RMDN2: variants seen among roughly 807,000 people sequenced by gnomAD.
RMDN2 encodes the protein regulator of microtubule dynamics protein 2.
Under a neutral mutation model 52.8 loss-of-function variants are expected in RMDN2, and 61 were observed. The ratio of observed to expected loss-of-function variants is 1.16; its 90% CI spans 0.94 to 1.43. The LOEUF (loss-of-function observed/expected upper bound fraction) is 1.43. Ranked by LOEUF, RMDN2 falls within the 40% of genes most tolerant of loss-of-function variation. The pLI is 0.00. For missense variants in RMDN2, 592 were observed against 475.3 expected (o/e 1.25, Z -2.28); for synonymous variants, 180 against 153.1 (o/e 1.18, Z -1.30).
At chr2:37,942,962 C>T (rs1483004108) in intron 2 of RMDN2, among the ~76,000 whole-genome samples, 1 of 152,180 alleles carries the variant, frequency 6.6e-6, no homozygotes, top group Non-Finnish European at 1.5e-5. Flanking sequence ...CAATAAGTGC[C>T]AAGCACCTTT....
At chr2:38,028,417 A>G (rs1180112109) in intron 10 of RMDN2, among the ~76,000 whole-genome samples, 1 of 152,178 alleles carries the variant, frequency 6.6e-6, no homozygotes, top group African/African-American at 2.4e-5. Context: ...ATTAATTTTA[A>G]TGTTATTTTC....
chr2:37,926,539 G>A (rs1477746476), intron 1 of RMDN2, among the ~76,000 whole-genome samples: 1 of 152,052 alleles, frequency 6.6e-6, no homozygotes. Context: ...ATAATACTTT[G>A]TATCTGATTA....
Position 37,930,697 on chromosome 2 carries a change from A to G in RMDN2, c.452+968A>G, listed in dbSNP as rs540899270. On this transcript the variant is annotated intron_variant, in intron 2 of 10. Transcript: ENST00000354545. Reference sequence around the variant, plus strand: ...GAGTGGGTGAGCAGAGAGGCCCCCAACCCTGGATGGAACCCACATTCCCCA... The same window carrying G: ...GAGTGGGTGAGCAGAGAGGCCCCCAGCCCTGGATGGAACCCACATTCCCCA... 1.2e-3 allele frequency among the ~76,000 whole-genome samples: 180 copies of G among 152,268 alleles called. 1 individual carries two copies. Among genetic ancestry groups the G allele is most frequent in the African/African-American group, 4.2e-3 (174 of 41,558 alleles).
intron 10 of RMDN2, among the ~76,000 whole-genome samples, chr2:38,056,059 C>T (rs1342553832): frequency 6.6e-6 from 1 of 152,196 alleles, no homozygotes; most frequent in African/African-American, 2.4e-5. Flanking sequence ...CCCACCTCAC[C>T]TGGATCATTG....
At chr2:38,004,896 C>G (rs540777586) in intron 10 of RMDN2, among the ~76,000 whole-genome samples, 1 of 151,702 alleles carries the variant, frequency 6.6e-6, no homozygotes, top group African/African-American at 2.4e-5. Context: ...CCCGTTCCTG[C>G]GTCCATGTGT....
At chr2:37,934,152 A>G (rs571795513) in intron 2 of RMDN2, among the ~76,000 whole-genome samples, 2 of 152,236 alleles carry the variant, frequency 1.3e-5, no homozygotes, top group Non-Finnish European at 2.9e-5. Flanking sequence ...CAAAAAATGG[A>G]TATCAGCCAC....
At chr2:37,929,063 A>G (rs769009514) in intron 1 of RMDN2, 199 bp from the exon 2 acceptor site, 12 of 431,778 alleles carry the variant, frequency 2.8e-5, no homozygotes, top group Non-Finnish European at 4.5e-5. Flanking sequence ...TTAACTTAAT[A>G]TGATAATTCT....
chr2:38,021,802 G>A (rs138363131), downstream of RMDN2, among the ~76,000 whole-genome samples: 1,063 of 152,300 alleles, frequency 7.0e-3, 8 homozygotes, highest in African/African-American at 0.024. Flanking sequence ...GGGAGCAGCT[G>A]TAAATACAGA....
chr2:37,997,443 A>C lies in RMDN2; in HGVS notation c.973A>C (p.Lys325Gln). 1 of 1,613,886 alleles carries C rather than the reference A, an allele frequency of 6.2e-7. No homozygotes were observed. Among genetic ancestry groups the C allele is most frequent in the Non-Finnish European group, 8.5e-7 (1 of 1,179,818 alleles). ...CTCAAAACTGAGCTGGATTGAGAAA[A>C]AAATGGCTGCTACTCTGTTTGGAAA... The part of the protein sequence containing the change: ...TVSKLSWIEK[K>Q]MAATLFGKIP... Residue 325 changes from lysine to glutamine, a missense_variant, in exon 8 of 11, where the codon AAA becomes CAA. Lys to Gln is a moderately conservative substitution (Grantham distance 53, BLOSUM62 1). Coordinates refer to ENST00000354545, the MANE Select transcript of RMDN2 (RefSeq NM_001170791.3).
chr2:37,961,650 G>T (rs532562960), intron 2 of RMDN2, among the ~76,000 whole-genome samples: 9 of 151,832 alleles, frequency 5.9e-5, no homozygotes, highest in Non-Finnish European at 1.3e-4. Flanking sequence ...CCTTTAGCTC[G>T]GAGAAGTTTG....
At chr2:37,972,844 T>C (rs558021833) in intron 2 of RMDN2, among the ~76,000 whole-genome samples, 2 of 152,274 alleles carry the variant, frequency 1.3e-5, no homozygotes, top group South Asian at 4.1e-4. Context: ...GATTCCAAGT[T>C]TTTTGGTTTG....
chr2:37,950,383 G>T (rs1386423056), intron 2 of RMDN2: 3 of 1,509,452 alleles, frequency 2.0e-6, no homozygotes, highest in Non-Finnish European at 2.7e-6. Flanking sequence ...GTGAGCTACA[G>T]AACAGTTCTA....
intron 2 of RMDN2, chr2:37,952,145 T>A (rs552275962): frequency 1.2e-6 from 2 of 1,613,222 alleles, no homozygotes; most frequent in Non-Finnish European, 8.5e-7. Context: ...ATGAAGACTT[T>A]GCTGTCTTGT....
intron 10 of RMDN2, among the ~76,000 whole-genome samples, chr2:38,031,965 C>T (rs1277149855): frequency 6.6e-6 from 1 of 152,078 alleles, no homozygotes; most frequent in Non-Finnish European, 1.5e-5. Flanking sequence ...ACAACAATGC[C>T]GCTGCCTATC....
At chr2:37,953,138 C>G (rs923056508) in intron 2 of RMDN2, 1 of 151,772 alleles carries the variant, frequency 6.6e-6, no homozygotes, top group Admixed American at 6.6e-5. Flanking sequence ...TTTTCTTGTT[C>G]TTAGCATGTG....
chr2:37,970,942 T>C (rs1350901420), intron 2 of RMDN2, among the ~76,000 whole-genome samples: 1 of 152,158 alleles, frequency 6.6e-6, no homozygotes, highest in Non-Finnish European at 1.5e-5. Flanking sequence ...TTTATATATA[T>C]TTTGTATACA....
intron 10 of RMDN2, among the ~76,000 whole-genome samples, chr2:38,010,420 C>T (rs527880860): frequency 6.6e-6 from 1 of 152,370 alleles, no homozygotes; most frequent in South Asian, 2.1e-4. Flanking sequence ...GCTCGCTCCC[C>T]TCCCCCAGCC....
At chr2:37,976,728 A>T (rs959269161) in intron 4 of RMDN2, among the ~76,000 whole-genome samples, 1 of 152,238 alleles carries the variant, frequency 6.6e-6, no homozygotes, top group Admixed American at 6.5e-5. Context: ...CAACATAAAT[A>T]AAAACTTAAC....
intron 10 of RMDN2, among the ~76,000 whole-genome samples, chr2:38,009,615 T>G (rs961499449): frequency 2.0e-5 from 3 of 152,052 alleles, no homozygotes; most frequent in Admixed American, 1.3e-4. Flanking sequence ...ATTCATCTAA[T>G]TTTTTTTCAA....
Sources: gnomAD v4.1 joint callset for allele counts (sites outside exome capture counted in the v4.1 genomes callset) on GRCh38, gnomAD v4.1.1 for gene constraint, MANE v1.5 for transcripts, NCBI Gene and HGNC (gene_info 2026-07-23, HGNC 2026-07-21) for gene names.